Variants in RIN2 observed in about 807,000 individuals in gnomAD.
RIN2 encodes RAB5 interacting protein 2.
Under a neutral mutation model 78.0 loss-of-function variants are expected in RIN2, and 36 were observed. That is an observed-to-expected ratio of 0.46 (90% CI 0.35 to 0.61). RIN2 has a LOEUF of 0.61. RIN2 is among the 20% of genes least tolerant of loss of function. RIN2 has a pLI of 0.00. For synonymous variants in RIN2, 466 were observed against 466.8 expected, an observed-to-expected ratio of 1.00 and a Z score of 0.02; for missense variants, 1,087 against 1,159.7, an observed-to-expected ratio of 0.94 and a Z score of 0.91.
At chr20:19,784,518 T>C (rs1055301464) in intron 1 of RIN2, among the ~76,000 whole-genome samples, 5 of 152,102 alleles carry the variant, frequency 3.3e-5, no homozygotes, top group Non-Finnish European at 5.9e-5. Context: ...AGTAGAATAA[T>C]GGTGGTTGCC....
At chr20:19,810,151 C>A (rs535307820) in intron 2 of RIN2, among the ~76,000 whole-genome samples, 1 of 151,590 alleles carries the variant, frequency 6.6e-6, no homozygotes, top group Admixed American at 6.6e-5. Context: ...GTAATGCCAG[C>A]ACTTTGGGAG....
At chr20:19,969,270 G>A (rs535913139) in intron 7 of RIN2, among the ~76,000 whole-genome samples, 2 of 152,256 alleles carry the variant, frequency 1.3e-5, no homozygotes, top group South Asian at 2.1e-4. Flanking sequence ...TTCTCAGCAC[G>A]TCTCATGATG....
At chr20:19,811,746 A>G (rs2035608219) in intron 2 of RIN2, among the ~76,000 whole-genome samples, 1 of 151,400 alleles carries the variant, frequency 6.6e-6, no homozygotes. Flanking sequence ...ACCACTAAAA[A>G]ATGAGGGCCA....
intron 2 of RIN2, among the ~76,000 whole-genome samples, chr20:19,853,136 G>C (rs1026947629): frequency 2.0e-5 from 3 of 149,404 alleles, no homozygotes; most frequent in African/African-American, 7.4e-5. Flanking sequence ...TGCGGTGTTT[G>C]GTTTTTTGTC....
At chr20:19,838,881 A>G (rs948341611) in intron 2 of RIN2, among the ~76,000 whole-genome samples, 1 of 152,016 alleles carries the variant, frequency 6.6e-6, no homozygotes, top group African/African-American at 2.4e-5. Flanking sequence ...CCGAGACTTC[A>G]CCCGAGCCTC....
Position 19,904,401 on chromosome 20 carries a change from G to A in RIN2, c.57+14743G>A, listed in dbSNP as rs199521332. On this transcript the variant is annotated intron_variant, in intron 3 of 12. Transcript: ENST00000255006. ...GAGGCCAGCCCTGGGCACCGGGTAT[G>A]CGGTGCTGGGGGAAGCAAATCAGAA... Among the ~76,000 whole-genome samples, 3 of 152,170 alleles carry A rather than the reference G, an allele frequency of 2.0e-5. No individual in the cohort carries two copies. The East Asian group carries it at 5.8e-4, about 29-fold the overall frequency.
chr20:19,975,859 T>C lies in RIN2; in HGVS notation c.1762+72T>C. 7.1e-7 allele frequency: 1 copy of C among 1,399,812 alleles called. No individual in the cohort carries two copies. Among genetic ancestry groups the C allele is most frequent in the South Asian group, 1.2e-5 (1 of 80,620 alleles). 86.7% of individuals were successfully genotyped at this position (1,399,812 alleles called of 1,614,324 possible). ...CGGGCAGTGCAACCTATGTTTGTTATTTTTTATGAAGTTTACTCCGAAGTT... is the reference window on the plus strand; with the variant it reads ...CGGGCAGTGCAACCTATGTTTGTTACTTTTTATGAAGTTTACTCCGAAGTT... On this transcript the variant is annotated intron_variant, in intron 9 of 12. Transcript: ENST00000255006. The surrounding 1 kb of genome is among the most constrained non-coding windows in gnomAD (Gnocchi z 4.9).
rs1390309265 is a variant in RIN2, at chr20:19,853,027, TC to T, written c.-36-36534del. Among the ~76,000 whole-genome samples, 5 of 118,002 alleles carry T rather than the reference TC, an allele frequency of 4.2e-5. No homozygotes were observed. In the Admixed American group the frequency reaches 4.7e-4, roughly 11 times the overall value. The allele number at this position is 118,002 out of a possible 152,430, so 77.4% of individuals were successfully genotyped here. On this transcript the variant is annotated intron_variant, in intron 2 of 12. Transcript: ENST00000255006. ...TAGGTATATCTCCTAATGCTATGCC[TC>T]CCCCTCCCCCCACCCCATGACAGGC...
At position 20,001,197 on chromosome 20, in the gene RIN2, C is replaced by A. The variant is rs997025775; in HGVS notation, c.*261C>A. 3 of 462,312 alleles carry A rather than the reference C, an allele frequency of 6.5e-6. No individual in the cohort carries two copies. In the South Asian group the frequency reaches 1.0e-4, roughly 16 times the overall value. The allele number at this position is 462,312 out of a possible 1,614,324, so 28.6% of individuals were successfully genotyped here. On this transcript the variant is annotated 3_prime_UTR_variant, in exon 13 of 13. Transcript: ENST00000255006. The stretch of plus-strand genomic sequence containing the variant: ...GTGTCCTGAGATTGTTTGCTACCTA[C>A]CCCCAGTCAGGTTCTAGGTTGGCTT...
chr20:19,795,328 C>A (rs943851930), intron 1 of RIN2, among the ~76,000 whole-genome samples: 1 of 152,156 alleles, frequency 6.6e-6, no homozygotes, highest in Non-Finnish European at 1.5e-5. Flanking sequence ...ATATTCAGTG[C>A]AAATTCAGTT....
intron 2 of RIN2, among the ~76,000 whole-genome samples, chr20:19,857,281 G>A (rs1053456388): frequency 2.6e-5 from 4 of 152,124 alleles, no homozygotes; most frequent in Non-Finnish European, 4.4e-5. Flanking sequence ...TTGAGCAAAT[G>A]CATCCACGTT....
At chr20:19,991,160 G>C (rs977891557) in intron 10 of RIN2, among the ~76,000 whole-genome samples, 1 of 152,180 alleles carries the variant, frequency 6.6e-6, no homozygotes, top group African/African-American at 2.4e-5. Context: ...TGAGTAGACA[G>C]GAATGTGTGT....
At chr20:19,976,100 C>T (rs940110975) in intron 9 of RIN2, among the ~76,000 whole-genome samples, 1 of 152,112 alleles carries the variant, frequency 6.6e-6, no homozygotes, top group Non-Finnish European at 1.5e-5. Flanking sequence ...TGTTTCTGGA[C>T]GCGTGCTTCT....
intron 4 of RIN2, among the ~76,000 whole-genome samples, chr20:19,954,346 C>T (rs943120875): frequency 7.9e-5 from 12 of 152,144 alleles, no homozygotes; most frequent in African/African-American, 2.7e-4. Context: ...CATATGTACC[C>T]GAATCTAAAC....
intron 3 of RIN2, among the ~76,000 whole-genome samples, chr20:19,924,384 G>A (rs111220183): frequency 0.011 from 44 of 4,030 alleles, no homozygotes; most frequent in African/African-American, 0.033. Flanking sequence ...CCTCACCTTC[G>A]TACCCCACCT....
At chr20:19,836,366 G>T (rs1288388579) in intron 2 of RIN2, among the ~76,000 whole-genome samples, 1 of 152,116 alleles carries the variant, frequency 6.6e-6, no homozygotes, top group Non-Finnish European at 1.5e-5. Flanking sequence ...TAAATTAAAG[G>T]ATTAATCCTC....
At chr20:19,778,247 A>G (rs2122497352) in intron 1 of RIN2, among the ~76,000 whole-genome samples, 1 of 152,378 alleles carries the variant, frequency 6.6e-6, no homozygotes, top group East Asian at 1.9e-4. Flanking sequence ...GAACATTTAC[A>G]TAGACTCAGA....
chr20:19,958,532 C>T (rs2041630375), intron 5 of RIN2, among the ~76,000 whole-genome samples: 1 of 152,224 alleles, frequency 6.6e-6, no homozygotes, highest in African/African-American at 2.4e-5. Flanking sequence ...AGGTTGAGGG[C>T]AGGGCCAGGA....
At chr20:19,958,073 T>C (rs1221082527) in intron 5 of RIN2, among the ~76,000 whole-genome samples, 1 of 152,226 alleles carries the variant, frequency 6.6e-6, no homozygotes, top group Admixed American at 6.5e-5. Flanking sequence ...AAATACCTTT[T>C]TGAGTTTCCT....
Sources: gnomAD v4.1 joint callset for allele counts (sites outside exome capture counted in the v4.1 genomes callset) on GRCh38, gnomAD v4.1.1 for gene constraint, Gnocchi (gnomAD v3.1) non-coding constraint, MANE v1.5 for transcripts, NCBI Gene and HGNC (gene_info 2026-07-23, HGNC 2026-07-21) for gene names.